Variants in CIART observed in about 807,000 individuals in gnomAD.
CIART encodes the protein circadian associated repressor of transcription, also known as circadian-associated transcriptional repressor.
Under a neutral mutation model 22.1 loss-of-function variants are expected in CIART, and 7 were observed. The ratio of observed to expected loss-of-function variants is 0.32; its 90% CI spans 0.18 to 0.59. CIART has a LOEUF of 0.59. Ranked by LOEUF, CIART falls within the 20% of genes least tolerant of loss-of-function variation. The pLI is 0.86. For missense variants in CIART, 440 were observed against 478.0 expected (o/e 0.92, Z 0.74); for synonymous variants, 163 against 174.6 (o/e 0.93, Z 0.53).
rs1653393595 is a variant in CIART, at chr1:150,284,821, T to C, written c.633+113T>C. ...TTTTGAGTCTTTTCTTCAAGTTTCT[T>C]TTCAGGGAAGGAAATTCCTAAACTT... On this transcript the variant is annotated intron_variant, in intron 4 of 4. Coordinates refer to ENST00000290363, the MANE Select transcript of CIART (RefSeq NM_144697.4). 3 of 730,848 alleles carry C rather than the reference T, an allele frequency of 4.1e-6. No individual in the cohort carries two copies. The East Asian group carries it at 7.8e-5, about 19-fold the overall frequency. The allele number at this position is 730,848 out of a possible 1,614,324, so 45.3% of individuals were successfully genotyped here.
intron 1 of CIART, 71 bp from the exon 2 acceptor site, chr1:150,283,734 G>A: frequency 1.9e-6 from 3 of 1,555,696 alleles, no homozygotes; most frequent in Non-Finnish European, 2.7e-6. Flanking sequence ...AGATTTGGAG[G>A]TGAAGGAAGA....
At chr1:150,284,003 T>TTTATTGTTA (rs587613531) in intron 2 of CIART, 123 bp downstream of exon 2, 5 of 490,040 alleles carry the variant, frequency 1.0e-5, no homozygotes, top group Admixed American at 8.8e-5. Context: ...CTACTATGAC[T>TTTATTGTTA]TTATTATTAT....
In CIART at chr1:150,284,005, T is replaced by TATC. The variant is rs1313938484; in HGVS notation, c.442+127_442+128insCAT. 7 of 336,066 alleles carry TATC rather than the reference T, an allele frequency of 2.1e-5. No homozygotes were observed. The East Asian group carries it at 3.8e-4, about 18-fold the overall frequency. 20.8% of individuals were successfully genotyped at this position (336,066 alleles called of 1,614,324 possible). A position where few individuals can be genotyped will look rare whatever the true frequency, so the allele number is the denominator to read the frequency against. On this transcript the variant is annotated intron_variant, in intron 2 of 4. Coordinates refer to ENST00000290363, the MANE Select transcript of CIART (RefSeq NM_144697.4). Reference sequence around the variant, plus strand: ...TACTCCTTTTTTGCTACTATGACTTTATTATTATTATTATTATTATTATTA... The same window carrying TATC: ...TACTCCTTTTTTGCTACTATGACTTTATCATTATTATTATTATTATTATTATTA...
chr1:150,286,802 T>TA lies in CIART; in HGVS notation c.1007dup (p.Tyr336Ter). 6.2e-7 allele frequency: 1 copy of TA among 1,613,814 alleles called. No homozygotes were observed. Among genetic ancestry groups the TA allele is most frequent in the South Asian group, 1.1e-5 (1 of 91,082 alleles). Residue 336 changes from tyrosine to a stop codon, truncating the protein, a stop_gained and frameshift_variant, in exon 5 of 5, where the codon TAC becomes TAAC. Coordinates refer to ENST00000290363, the MANE Select transcript of CIART (RefSeq NM_144697.4). LOFTEE classifies it low-confidence loss of function (END_TRUNC). ...ACTATCTGGAGAGGGTCCTCGTTGCTACAGTTTGCCAGTAACTCTGCCATC... is the reference window on the plus strand; with the variant it reads ...ACTATCTGGAGAGGGTCCTCGTTGCTAACAGTTTGCCAGTAACTCTGCCATC... ...MKLSGEGPRC[Y>*]SLPVTLPSDW...
chr1:150,287,074 G>A lies in CIART; in HGVS notation c.*120G>A. The A allele has an allele frequency of 2.8e-6, 3 of 1,087,226 alleles. No individual in the cohort carries two copies. Among genetic ancestry groups the A allele is most frequent in the Non-Finnish European group, 3.7e-6 (3 of 813,462 alleles). 67.3% of individuals were successfully genotyped at this position (1,087,226 alleles called of 1,614,324 possible). On this transcript the variant is annotated 3_prime_UTR_variant, in exon 5 of 5. Transcript: ENST00000290363. ...GGAAGATAAATCCTTTCTGATTAAA[G>A]AAATTTTTTTATACCTAAACAGTTT... is the stretch of plus-strand genomic sequence containing the variant.
At chr1:150,283,741 A>G (rs901785875) in intron 1 of CIART, 64 bp from the exon 2 acceptor site, 3 of 1,551,276 alleles carry the variant, frequency 1.9e-6, no homozygotes, top group Non-Finnish European at 2.7e-6. Context: ...GAGGTGAAGG[A>G]AGAGCCACTG....
intron 4 of CIART, chr1:150,285,502 C>G: frequency 6.4e-6 from 1 of 157,448 alleles, no homozygotes; most frequent in Non-Finnish European, 1.4e-5. Context: ...TGCCATTGCA[C>G]TCCAGCCTGG....
At chr1:150,283,917 T>C in intron 2 of CIART, 37 bp downstream of exon 2, 1 of 1,442,292 alleles carries the variant, frequency 6.9e-7, no homozygotes. Flanking sequence ...GCTAGGTTCA[T>C]TTCTCTTTCT....
At chr1:150,285,826 A>C (rs1553854512) in intron 4 of CIART, among the ~76,000 whole-genome samples, 1 of 152,088 alleles carries the variant, frequency 6.6e-6, no homozygotes, top group Non-Finnish European at 1.5e-5. Context: ...AAATACAAAA[A>C]GTAGGTGGGC....
Position 150,287,065 on chromosome 1 carries a change from C to G in CIART, c.*111C>G, listed in dbSNP as rs1653544138. On this transcript the variant is annotated 3_prime_UTR_variant, in exon 5 of 5. Coordinates refer to ENST00000290363, the MANE Select transcript of CIART (RefSeq NM_144697.4). Reference sequence around the variant, plus strand: ...TGTGTTGAGGGAAGATAAATCCTTTCTGATTAAAGAAATTTTTTTATACCT... The same window carrying G: ...TGTGTTGAGGGAAGATAAATCCTTTGTGATTAAAGAAATTTTTTTATACCT... 8.8e-7 allele frequency: 1 copy of G among 1,137,622 alleles called. No homozygotes were observed. Among genetic ancestry groups the G allele is most frequent in the South Asian group, 2.4e-5 (1 of 41,656 alleles). The allele number at this position is 1,137,622 out of a possible 1,614,324, so 70.5% of individuals were successfully genotyped here.
At position 150,287,041 on chromosome 1, in the gene CIART, G is replaced by A; in HGVS notation, c.*87G>A. On this transcript the variant is annotated 3_prime_UTR_variant, in exon 5 of 5. Coordinates refer to ENST00000290363, the MANE Select transcript of CIART (RefSeq NM_144697.4). ...ATTTTTACTATTAATGTGTGCATTT[G>A]TGTTGAGGGAAGATAAATCCTTTCT... 7.9e-7 allele frequency: 1 copy of A among 1,259,732 alleles called. No homozygotes were observed. The allele number at this position is 1,259,732 out of a possible 1,614,324, so 78.0% of individuals were successfully genotyped here.
chr1:150,284,749 C>T (rs369119584), intron 4 of CIART, 41 bp downstream of exon 4: 13 of 1,459,574 alleles, frequency 8.9e-6, no homozygotes, highest in African/African-American at 1.4e-5. Flanking sequence ...GGAAAATAGC[C>T]AAGAAAATGA....
chr1:150,282,948 G>C lies in CIART; in HGVS notation c.-320G>C, dbSNP rs1653223843. ...GGGCGGAGGGGAAGGTGTCTTTCAAGTCGGTATTTACTCTGAACTGAGGGA... is the reference window on the plus strand; with the variant it reads ...GGGCGGAGGGGAAGGTGTCTTTCAACTCGGTATTTACTCTGAACTGAGGGA... On this transcript the variant is annotated 5_prime_UTR_variant, in exon 1 of 5. Coordinates refer to ENST00000290363, the MANE Select transcript of CIART (RefSeq NM_144697.4). 1 of 170,814 alleles carries C rather than the reference G, an allele frequency of 5.9e-6. No individual in the cohort carries two copies. The highest frequency in any genetic ancestry group is 2.4e-5 in the African/African-American group (1 of 42,022). 10.6% of individuals were successfully genotyped at this position (170,814 alleles called of 1,614,324 possible).
At position 150,286,863 on chromosome 1, in the gene CIART, C is replaced by A. The variant is rs200527176; in HGVS notation, c.1067C>A (p.Pro356His). The A allele has an allele frequency of 3.1e-6, 5 of 1,612,964 alleles. No homozygotes were observed. Among genetic ancestry groups the A allele is most frequent in the Middle Eastern group, 1.6e-4 (1 of 6,082 alleles). ...WSYTLSPPSL[P>H]TLARKMTIGH... ...TATACCCTATCCCCTCCCAGTCTAC[C>A]CACCTTGGCCAGAAAGATGACCATA... The change falls in exon 5 of 5, where the codon CCC becomes CAC. Residue 356 changes from proline to histidine, a missense_variant. Coordinates refer to ENST00000290363, the MANE Select transcript of CIART (RefSeq NM_144697.4).
chr1:150,284,839 C>G (rs1448825612), intron 4 of CIART, 131 bp downstream of exon 4: 1 of 658,168 alleles, frequency 1.5e-6, no homozygotes, highest in Non-Finnish European at 2.6e-6. Flanking sequence ...AAGGAAATTC[C>G]TAAACTTTCT....
intron 4 of CIART, among the ~76,000 whole-genome samples, chr1:150,285,837 A>C (rs1400252495): frequency 1.3e-5 from 2 of 152,164 alleles, no homozygotes; most frequent in Non-Finnish European, 2.9e-5. Flanking sequence ...GTAGGTGGGC[A>C]TGGTGGCGTG....
chr1:150,283,211 C>T lies in CIART; in HGVS notation c.-57C>T, dbSNP rs1653249879. The T allele has an allele frequency of 1.6e-5, 23 of 1,449,156 alleles. No individual in the cohort carries two copies. The highest frequency in any genetic ancestry group is 2.0e-5 in the Non-Finnish European group (22 of 1,086,550). 89.8% of individuals were successfully genotyped at this position (1,449,156 alleles called of 1,614,324 possible). On this transcript the variant is annotated 5_prime_UTR_variant, in exon 1 of 5. Transcript: ENST00000290363. Reference sequence around the variant, plus strand: ...ACTCCCTCGCTTTGCTCTTCAGTTGCAGGTTCCGATCTTTGGGTACTCCAG... The same window carrying T: ...ACTCCCTCGCTTTGCTCTTCAGTTGTAGGTTCCGATCTTTGGGTACTCCAG...
rs1653253257 is a variant in CIART, at chr1:150,283,247, A to G, written c.-21A>G. 1.3e-6 allele frequency: 2 copies of G among 1,510,288 alleles called. No homozygotes were observed. The highest frequency in any genetic ancestry group is 1.4e-5 in the South Asian group (1 of 73,582). The allele number at this position is 1,510,288 out of a possible 1,614,324, so 93.6% of individuals were successfully genotyped here. ...CTTTGGGTACTCCAGGAGCTGTTCT[A>G]TAGCCCCTGCTTCTGGACCTATGGA... On this transcript the variant is annotated 5_prime_UTR_variant, in exon 1 of 5. Transcript: ENST00000290363.
In CIART at chr1:150,287,043, G is replaced by T; in HGVS notation, c.*89G>T. The T allele has an allele frequency of 8.1e-7, 1 of 1,237,784 alleles. No homozygotes were observed. Among genetic ancestry groups the T allele is most frequent in the Non-Finnish European group, 1.1e-6 (1 of 927,616 alleles). 76.7% of individuals were successfully genotyped at this position (1,237,784 alleles called of 1,614,324 possible). A position where few individuals can be genotyped will look rare whatever the true frequency, so the allele number is the denominator to read the frequency against. The stretch of plus-strand genomic sequence containing the variant: ...TTTTACTATTAATGTGTGCATTTGT[G>T]TTGAGGGAAGATAAATCCTTTCTGA... On this transcript the variant is annotated 3_prime_UTR_variant, in exon 5 of 5. Transcript: ENST00000290363.
Sources: allele counts gnomAD v4.1 joint callset (sites outside exome capture counted in the v4.1 genomes callset), GRCh38; gene constraint gnomAD v4.1.1; transcripts MANE v1.5; gene names NCBI Gene and HGNC (gene_info 2026-07-23, HGNC 2026-07-21).